Variants in CSMD1 observed in about 807,000 individuals in gnomAD.
The protein encoded by CSMD1 is CUB and Sushi multiple domains 1.
CSMD1 carries 213 observed loss-of-function variants against 417.5 expected under a neutral mutation model. That is an observed-to-expected ratio of 0.51 (90% CI 0.46 to 0.57). The LOEUF (loss-of-function observed/expected upper bound fraction) is 0.57, where lower values mean the gene tolerates loss of function less well. CSMD1 is among the 20% of genes least tolerant of loss of function. The pLI is 0.00. For synonymous variants in CSMD1, 2,862 were observed against 1,736.8 expected (o/e 1.65, Z -16.11); for missense variants, 6,923 against 4,529.7 (o/e 1.53, Z -15.17).
chr8:4,890,379 C>T (rs749487049), intron 1 of CSMD1, among the ~76,000 whole-genome samples: 6 of 152,114 alleles, frequency 3.9e-5, no homozygotes, highest in Admixed American at 1.3e-4. Flanking sequence ...CACTCGGGTC[C>T]TCACAGCCAT....
chr8:3,691,949 C>G (rs915825371), intron 7 of CSMD1, among the ~76,000 whole-genome samples: 4 of 152,166 alleles, frequency 2.6e-5, no homozygotes, highest in Admixed American at 2.6e-4. Flanking sequence ...TAATCAAGAG[C>G]TCTCATTTCA....
At chr8:4,992,680 C>G (rs1002801214) in intron 1 of CSMD1, among the ~76,000 whole-genome samples, 3 of 152,238 alleles carry the variant, frequency 2.0e-5, no homozygotes, top group African/African-American at 7.2e-5. Flanking sequence ...CCCAGCCAGT[C>G]CAGTGCTGAC....
At chr8:4,605,152 A>T (rs977724911) in intron 2 of CSMD1, among the ~76,000 whole-genome samples, 4 of 152,234 alleles carry the variant, frequency 2.6e-5, no homozygotes, top group African/African-American at 9.6e-5. Context: ...CGTGTTCACA[A>T]TTCTCAAAAA....
chr8:2,965,888 T>C lies in CSMD1; in HGVS notation c.9167A>G (p.Asn3056Ser). 4 of 1,610,712 alleles carry C rather than the reference T, an allele frequency of 2.5e-6. No individual in the cohort carries two copies. Among genetic ancestry groups the C allele is most frequent in the Non-Finnish European group, 2.5e-6 (3 of 1,178,496 alleles). The change falls in exon 59 of 70, where the codon AAC becomes AGC. Residue 3056 changes from asparagine (N) to serine (S), a missense_variant. Physicochemically the swap from Asn to Ser is conservative, Grantham distance 46. Transcript: ENST00000635120. ...GIQFGTDFTF[N>S]KTVSYQCNPG... ...GTTACACTGATAGCTCACAGTCTTGTTGAAGGTGAAGTCGGTCCCAAACTG... is the reference window on the plus strand; with the variant it reads ...GTTACACTGATAGCTCACAGTCTTGCTGAAGGTGAAGTCGGTCCCAAACTG...
At chr8:3,384,418 C>CAGATAA (rs1810838864) in intron 18 of CSMD1, among the ~76,000 whole-genome samples, 1 of 151,386 alleles carries the variant, frequency 6.6e-6, no homozygotes, top group Admixed American at 6.6e-5. Context: ...AGTTTCTGTA[C>CAGATAA]AGACAAAGAT....
Position 3,118,511 on chromosome 8 carries a change from C to A in CSMD1, c.6318G>T (p.Gly2106=), listed in dbSNP as rs1458469987. The A allele has an allele frequency of 6.2e-7, 1 of 1,613,782 alleles. No individual in the cohort carries two copies. The highest frequency in any genetic ancestry group is 1.3e-5 in the African/African-American group (1 of 75,012). The change falls in exon 42 of 70, where the codon GGG becomes GGT. Residue 2106 remains glycine (G), a synonymous_variant. Transcript: ENST00000635120. ...GYMINSDYSV[G]QSVSFECYPG... ...GATAACACTCGAAAGATACTGATTG[C>A]CCCACGCTGTAATCCGAGTTGATCA...
rs979285430 is a variant in CSMD1 at position 3,023,934 on chromosome 8, G to T, written c.7856-5284C>A. ...TGATGCTACCCTTGAAGATTCCGTT[G>T]GTCCTGATCCAACAGAACATAGAGA... On this transcript the variant is annotated intron_variant, in intron 51 of 69. Coordinates refer to ENST00000635120, the MANE Select transcript of CSMD1 (RefSeq NM_033225.6). Among the ~76,000 whole-genome samples, 10 of 151,764 alleles carry T rather than the reference G, an allele frequency of 6.6e-5. No homozygotes were observed. In the East Asian group the frequency reaches 2.0e-3, roughly 30 times the overall value.
At chr8:4,591,611 G>T (rs1329065262) in intron 2 of CSMD1, among the ~76,000 whole-genome samples, 1 of 152,302 alleles carries the variant, frequency 6.6e-6, no homozygotes, top group East Asian at 1.9e-4. Flanking sequence ...GGGTAGTGAT[G>T]GCGGAACTGG....
chr8:3,230,998 G>A (rs1798803297), intron 26 of CSMD1, among the ~76,000 whole-genome samples: 1 of 152,130 alleles, frequency 6.6e-6, no homozygotes, highest in Non-Finnish European at 1.5e-5. Context: ...TGTGTAAAGT[G>A]CATTGCAAAC....
intron 5 of CSMD1, among the ~76,000 whole-genome samples, chr8:3,834,790 A>T (rs551785164): frequency 6.6e-6 from 1 of 152,046 alleles, no homozygotes; most frequent in East Asian, 1.9e-4. Flanking sequence ...AACCTACAAA[A>T]TGGGAGAAAA....
intron 1 of CSMD1, among the ~76,000 whole-genome samples, chr8:4,837,025 G>A (rs1409226794): frequency 1.4e-5 from 2 of 148,012 alleles, no homozygotes; most frequent in African/African-American, 5.2e-5. Context: ...TGGCCTTGAT[G>A]TTGTTGTTGT....
chr8:3,009,857 T>C (rs1454603251), intron 52 of CSMD1, among the ~76,000 whole-genome samples: 1 of 152,232 alleles, frequency 6.6e-6, no homozygotes, highest in Non-Finnish European at 1.5e-5. Context: ...ATCAGATCTC[T>C]GCTTCACACA....
chr8:4,485,420 CAG>C (rs909905905), intron 2 of CSMD1, among the ~76,000 whole-genome samples: 1 of 152,144 alleles, frequency 6.6e-6, no homozygotes, highest in African/African-American at 2.4e-5. Flanking sequence ...CTGACTCTCA[CAG>C]AGAGAGGAAG....
intron 3 of CSMD1, among the ~76,000 whole-genome samples, chr8:4,114,555 C>G (rs1802030904): frequency 5.5e-5 from 1 of 18,050 alleles, no homozygotes; most frequent in African/African-American, 1.6e-4. Context: ...ACTCTTATAA[C>G]TTAATAAATG....
At chr8:4,449,093 G>C (rs571692922) in intron 2 of CSMD1, among the ~76,000 whole-genome samples, 3 of 152,274 alleles carry the variant, frequency 2.0e-5, no homozygotes, top group Non-Finnish European at 2.9e-5. Context: ...AGATTGAATA[G>C]CTTAAGAGAT....
intron 5 of CSMD1, among the ~76,000 whole-genome samples, chr8:3,870,186 A>G (rs954950572): frequency 3.9e-5 from 6 of 152,222 alleles, no homozygotes; most frequent in Non-Finnish European, 8.8e-5. Flanking sequence ...GTTCTTCCAG[A>G]AAGTCAAGAA....
intron 23 of CSMD1, among the ~76,000 whole-genome samples, chr8:3,330,513 C>A (rs914410250): frequency 6.6e-6 from 1 of 152,148 alleles, no homozygotes; most frequent in Non-Finnish European, 1.5e-5. Context: ...CCAAATACCG[C>A]GTGATCTCAC....
intron 3 of CSMD1, among the ~76,000 whole-genome samples, chr8:4,254,782 G>A (rs905586981): frequency 6.6e-6 from 1 of 152,102 alleles, no homozygotes; most frequent in Non-Finnish European, 1.5e-5. Flanking sequence ...ACAGTCTGCA[G>A]GACCCTAACA....
At chr8:4,802,682 C>T (rs17071408) in intron 1 of CSMD1, among the ~76,000 whole-genome samples, 10,161 of 152,154 alleles carry the variant, frequency 0.067, 558 homozygotes, top group East Asian at 0.23. Context: ...CTCATTAATA[C>T]TGTGAAAGGC....
Sources: allele counts gnomAD v4.1 joint callset (sites outside exome capture counted in the v4.1 genomes callset), GRCh38; gene constraint gnomAD v4.1.1; transcripts MANE v1.5; gene names NCBI Gene and HGNC (gene_info 2026-07-23, HGNC 2026-07-21).